The following RGS22 variants were observed in gnomAD, a reference collection of about 807,000 sequenced individuals.
RGS22 encodes the protein regulator of G-protein signaling 22.
A neutral mutation model predicts 172.9 loss-of-function variants in RGS22; 148 were observed. The observed-to-expected ratio is 0.86, with a 90% confidence interval of 0.75 to 0.98. The LOEUF (loss-of-function observed/expected upper bound fraction) is 0.98, where lower values mean the gene tolerates loss of function less well. RGS22 is among the 50% of genes least tolerant of loss of function. RGS22 has a pLI of 0.00. For missense variants in RGS22, 1,347 were observed against 1,440.8 expected (o/e 0.93, Z 1.05); for synonymous variants, 458 against 480.2 (o/e 0.95, Z 0.60).
chr8:100,073,812 C>T (rs984686147), intron 4 of RGS22, among the ~76,000 whole-genome samples: 17 of 152,090 alleles, frequency 1.1e-4, no homozygotes, highest in Admixed American at 4.6e-4. Context: ...ATAATTCATC[C>T]TCTTTTGAGT....
At chr8:99,994,427 C>A (rs1814127194) in intron 20 of RGS22, among the ~76,000 whole-genome samples, 1 of 152,170 alleles carries the variant, frequency 6.6e-6, no homozygotes, top group Admixed American at 6.5e-5. Context: ...TCTCAGGACA[C>A]AAAATCAATT....
At chr8:99,982,411 G>A (rs1007213182) in intron 21 of RGS22, among the ~76,000 whole-genome samples, 3 of 152,130 alleles carry the variant, frequency 2.0e-5, no homozygotes, top group Admixed American at 6.5e-5. Context: ...TTTAACAACC[G>A]TATAATGAGG....
At chr8:100,029,702 CAAA>C (rs369058108) in intron 14 of RGS22, among the ~76,000 whole-genome samples, 1 of 62,014 alleles carries the variant, frequency 1.6e-5, no homozygotes, top group Non-Finnish European at 3.4e-5. Context: ...AACTCCGTCT[CAAA>C]AAAAAAAAAA....
At position 100,041,923 on chromosome 8, in the gene RGS22, T is replaced by C. The variant is rs770710508; in HGVS notation, c.1824-7A>G. ...TTCTGACATGTACTTTGACCTAAATTATAAGGATGAGAACTAAAATTATAA... is the reference window on the plus strand; with the variant it reads ...TTCTGACATGTACTTTGACCTAAATCATAAGGATGAGAACTAAAATTATAA... On this transcript the variant is annotated splice_region_variant and splice_polypyrimidine_tract_variant and intron_variant, in intron 11 of 27. Transcript: ENST00000360863. 1.3e-6 allele frequency: 2 copies of C among 1,558,046 alleles called. No homozygotes were observed. The highest frequency in any genetic ancestry group is 2.7e-5 in the African/African-American group (2 of 73,754).
chr8:100,105,495 T>A lies in RGS22; in HGVS notation c.26-93A>T, dbSNP rs926749946. The A allele has an allele frequency of 1.6e-5, 17 of 1,040,016 alleles. No individual in the cohort carries two copies. The East Asian group carries it at 3.8e-4, about 23-fold the overall frequency. 64.4% of individuals were successfully genotyped at this position (1,040,016 alleles called of 1,614,324 possible). On this transcript the variant is annotated intron_variant, in intron 1 of 27. Coordinates refer to ENST00000360863, the MANE Select transcript of RGS22 (RefSeq NM_015668.5). ...GGAGACAGCACCTAGCCCTACGTTA[T>A]ACACAGGCAAACGTAGCACATTTCT...
chr8:100,000,469 T>C (rs1056057479), intron 18 of RGS22, among the ~76,000 whole-genome samples: 1 of 152,162 alleles, frequency 6.6e-6, no homozygotes, highest in Non-Finnish European at 1.5e-5. Context: ...ACGATCTTTA[T>C]AAAACAATGT....
intron 9 of RGS22, among the ~76,000 whole-genome samples, chr8:100,059,162 A>G (rs1809894001): frequency 6.6e-6 from 1 of 152,214 alleles, no homozygotes; most frequent in Non-Finnish European, 1.5e-5. Flanking sequence ...AGAAATAAAA[A>G]GCAAGAAACT....
intron 10 of RGS22, among the ~76,000 whole-genome samples, chr8:100,048,265 C>T (rs929075648): frequency 6.6e-6 from 1 of 151,970 alleles, no homozygotes; most frequent in African/African-American, 2.4e-5. Context: ...AATGATGACA[C>T]ACATGGAAAA....
chr8:100,105,750 C>G (rs1289637394), intron 1 of RGS22, 147 bp downstream of exon 1: 5 of 661,340 alleles, frequency 7.6e-6, no homozygotes, highest in Admixed American at 7.1e-5. Flanking sequence ...GTCATAAAAT[C>G]CAACAGGAGG....
intron 14 of RGS22, among the ~76,000 whole-genome samples, chr8:100,010,807 TC>T (rs1430743330): frequency 2.6e-5 from 4 of 151,476 alleles, no homozygotes; most frequent in East Asian, 1.9e-4. Context: ...AGAAGATAAT[TC>T]TTTTTTTTTT....
intron 9 of RGS22, among the ~76,000 whole-genome samples, chr8:100,053,559 T>G (rs1281902845): frequency 1.3e-5 from 2 of 152,310 alleles, no homozygotes; most frequent in African/African-American, 4.8e-5. Flanking sequence ...AAATATAAAA[T>G]GTACTTGGGA....
At position 99,971,403 on chromosome 8, in the gene RGS22, AG is replaced by A. The variant is rs1245582758; in HGVS notation, c.3520-5974del. On this transcript the variant is annotated intron_variant, in intron 23 of 27. Coordinates refer to ENST00000360863, the MANE Select transcript of RGS22 (RefSeq NM_015668.5). ...GCAATCAGGCAAGAGAAAGAAATAA[AG>A]GGTATTCAAATAGGAAGAGAGGAAG... 9.8e-5 allele frequency among the ~76,000 whole-genome samples: 15 copies of A among 152,336 alleles called. No homozygotes were observed. The East Asian group carries it at 2.7e-3, about 27-fold the overall frequency.
intron 6 of RGS22, 97 bp downstream of exon 6, chr8:100,071,272 G>A: frequency 9.3e-7 from 1 of 1,079,844 alleles, no homozygotes; most frequent in Non-Finnish European, 1.3e-6. Flanking sequence ...TGGTGACAGA[G>A]TGAGATCCTG....
chr8:100,065,578 A>G (rs563966720), intron 7 of RGS22, among the ~76,000 whole-genome samples: 1 of 152,262 alleles, frequency 6.6e-6, no homozygotes, highest in East Asian at 1.9e-4. Context: ...TTTCTCTAAC[A>G]ATATCACTGT....
chr8:100,005,253 C>T (rs1815566867), intron 16 of RGS22, among the ~76,000 whole-genome samples: 1 of 152,166 alleles, frequency 6.6e-6, no homozygotes, highest in South Asian at 2.1e-4. Context: ...AACCTTACCA[C>T]TCAGAGTTAA....
chr8:100,027,042 C>A (rs1221875115), intron 14 of RGS22, among the ~76,000 whole-genome samples: 3 of 152,116 alleles, frequency 2.0e-5, no homozygotes, highest in Non-Finnish European at 4.4e-5. Context: ...CAAGCCTGGG[C>A]AACATGTGAG....
chr8:100,000,852 T>G (rs903117056), intron 18 of RGS22, among the ~76,000 whole-genome samples: 1 of 152,136 alleles, frequency 6.6e-6, no homozygotes, highest in African/African-American at 2.4e-5. Context: ...CTGCTCCCTC[T>G]CGCTCCCAAA....
intron 27 of RGS22, among the ~76,000 whole-genome samples, chr8:99,961,653 G>A (rs1810209245): frequency 1.3e-5 from 2 of 152,048 alleles, no homozygotes; most frequent in Non-Finnish European, 2.9e-5. Context: ...GCATGAGAAC[G>A]GACTAATACA....
intron 3 of RGS22, among the ~76,000 whole-genome samples, chr8:100,082,101 C>T (rs1408867199): frequency 6.6e-6 from 1 of 152,046 alleles, no homozygotes; most frequent in Non-Finnish European, 1.5e-5. Flanking sequence ...CCCTAGTAAT[C>T]AATCTTACTT....
Sources: gnomAD v4.1 joint callset for allele counts (sites outside exome capture counted in the v4.1 genomes callset) on GRCh38, gnomAD v4.1.1 for gene constraint, MANE v1.5 for transcripts, NCBI Gene and HGNC (gene_info 2026-07-23, HGNC 2026-07-21) for gene names.